Variants in MDN1 observed in about 807,000 individuals in gnomAD.
The protein encoded by MDN1 is midasin AAA ATPase 1, also known as midasin.
MDN1 carries 266 observed loss-of-function variants against 669.2 expected under a neutral mutation model. The observed-to-expected ratio is 0.40, with a 90% CI of 0.36 to 0.44. MDN1 has a LOEUF of 0.44. Ranked by LOEUF, MDN1 falls within the 20% of genes least tolerant of loss-of-function variation. The pLI is 1.00. For synonymous variants in MDN1, 2,385 were observed against 2,457.1 expected, an observed-to-expected ratio of 0.97 and a Z score of 0.87; for missense variants, 5,940 against 6,754.0, an observed-to-expected ratio of 0.88 and a Z score of 4.22.
At chr6:89,678,456 C>T in intron 75 of MDN1, 143 bp downstream of exon 75, 1 of 858,882 alleles carries the variant, frequency 1.2e-6, no homozygotes, top group Non-Finnish European at 1.7e-6. Context: ...GAGTGGAACT[C>T]TTAGACATCT....
At chr6:89,662,005 T>C (rs1809805593) in intron 87 of MDN1, 82 bp downstream of exon 87, 2 of 1,495,290 alleles carry the variant, frequency 1.3e-6, no homozygotes, top group African/African-American at 1.4e-5. Flanking sequence ...GGAAAAAATA[T>C]CTTGAGACAC....
intron 5 of MDN1, among the ~76,000 whole-genome samples, chr6:89,791,106 T>G (rs1184691723): frequency 2.0e-5 from 3 of 151,888 alleles, no homozygotes; most frequent in Admixed American, 2.0e-4. Context: ...TGAGGGATGG[T>G]GGGGGTATTC....
At chr6:89,697,375 AT>A in intron 59 of MDN1, among the ~76,000 whole-genome samples, 1 of 152,326 alleles carries the variant, frequency 6.6e-6, no homozygotes, top group Non-Finnish European at 1.5e-5. Flanking sequence ...GGAGGAAGAA[AT>A]TTTTTAAAAG....
chr6:89,672,195 G>T lies in MDN1; in HGVS notation c.13794+5C>A. On this transcript the variant is annotated splice_donor_5th_base_variant and intron_variant, in intron 82 of 101. Coordinates refer to ENST00000369393, the MANE Select transcript of MDN1 (RefSeq NM_014611.3). ...GGAAGAAGTTTGTAAAGAACAGTTA[G>T]TTACCAGGTGCTTTGCTGCTGTGCC... 1 of 1,572,850 alleles carries T rather than the reference G, an allele frequency of 6.4e-7. No homozygotes were observed. Among genetic ancestry groups the T allele is most frequent in the Non-Finnish European group, 8.6e-7 (1 of 1,166,076 alleles).
chr6:89,761,204 A>C (rs1454199458), intron 17 of MDN1, among the ~76,000 whole-genome samples: 1 of 152,190 alleles, frequency 6.6e-6, no homozygotes, highest in Non-Finnish European at 1.5e-5. Context: ...TTAATTAGAC[A>C]GAAAAAAATA....
chr6:89,664,724 T>C, intron 84 of MDN1, 96 bp from the exon 85 acceptor site: 1 of 948,998 alleles, frequency 1.1e-6, no homozygotes, highest in Non-Finnish European at 1.5e-6. Context: ...TGTAAAAATA[T>C]ATCTGGGAGA....
At chr6:89,781,199 A>C in intron 10 of MDN1, 200 bp downstream of exon 10, 1 of 586,382 alleles carries the variant, frequency 1.7e-6, no homozygotes, top group Non-Finnish European at 3.0e-6. Context: ...AATCTGAAAA[A>C]GGGATCTGAC....
At chr6:89,697,509 C>A (rs1812845783) in intron 59 of MDN1, among the ~76,000 whole-genome samples, 1 of 151,688 alleles carries the variant, frequency 6.6e-6, no homozygotes, top group Non-Finnish European at 1.5e-5. Context: ...ATACTTCCAA[C>A]TCATATTGGG....
In MDN1 at chr6:89,794,581, G is replaced by A. The variant is rs747796527; in HGVS notation, c.550C>T (p.Arg184Cys). 6 of 1,612,756 alleles carry A rather than the reference G, an allele frequency of 3.7e-6. No homozygotes were observed. Among genetic ancestry groups the A allele is most frequent in the East Asian group, 4.5e-5 (2 of 44,884 alleles). ...AAAAGTCTAACAGCTACGCACCAGC[G>A]AACCAAGGTGTCATGGCTTCTGAGG... ...PLLRSHDTLVRWYTANCLALV... is the reference protein window; with the variant it reads ...PLLRSHDTLVCWYTANCLALV... The change falls in exon 3 of 102, where the codon CGC becomes TGC. Residue 184 changes from arginine (R) to cysteine (C), a missense_variant. Arg to Cys is a radical substitution (Grantham distance 180, BLOSUM62 -3). Coordinates refer to ENST00000369393, the MANE Select transcript of MDN1 (RefSeq NM_014611.3).
At chr6:89,674,034 AC>A in intron 79 of MDN1, 69 bp downstream of exon 79, 1 of 1,317,448 alleles carries the variant, frequency 7.6e-7, no homozygotes, top group Non-Finnish European at 9.9e-7. Flanking sequence ...TTCCCTTCCC[AC>A]CCCCAATTTA....
chr6:89,751,428 C>T lies in MDN1; in HGVS notation c.3227+3G>A, dbSNP rs372016658. On this transcript the variant is annotated splice_donor_region_variant and intron_variant, in intron 23 of 101. Coordinates refer to ENST00000369393, the MANE Select transcript of MDN1 (RefSeq NM_014611.3). ...CGGGGCAGCGAGAAAAAAGCCCACA[C>T]ACCCTGCAGAGACAACTCGGACTAT... The T allele has an allele frequency of 3.9e-5, 63 of 1,614,134 alleles. No individual in the cohort carries two copies. The Middle Eastern group carries it at 4.0e-3, about 101-fold the overall frequency.
At position 89,701,896 on chromosome 6, in the gene MDN1, A is replaced by T; in HGVS notation, c.8306+8T>A. 6.2e-7 allele frequency: 1 copy of T among 1,607,206 alleles called. No individual in the cohort carries two copies. The highest frequency in any genetic ancestry group is 8.5e-7 in the Non-Finnish European group (1 of 1,177,720). Reference sequence around the variant, plus strand: ...CATTGACATTATTACTCTAAATATGAATCTTACTTGTCTTCATAATTCATC... The same window carrying T: ...CATTGACATTATTACTCTAAATATGTATCTTACTTGTCTTCATAATTCATC... On this transcript the variant is annotated splice_region_variant and intron_variant, in intron 54 of 101. Transcript: ENST00000369393.
intron 19 of MDN1, among the ~76,000 whole-genome samples, chr6:89,756,611 A>G (rs1174826043): frequency 6.6e-6 from 1 of 152,226 alleles, no homozygotes; most frequent in African/African-American, 2.4e-5. Flanking sequence ...TCTTCTACGT[A>G]TAGTCCTTAC....
chr6:89,705,352 T>G (rs532185859), intron 53 of MDN1, among the ~76,000 whole-genome samples: 21 of 152,324 alleles, frequency 1.4e-4, no homozygotes, highest in Admixed American at 5.9e-4. Context: ...TTTAAGAGTA[T>G]AGAGGCAGAG....
At position 89,658,762 on chromosome 6, in the gene MDN1, T is replaced by C. The variant is rs1319754751; in HGVS notation, c.14869A>G (p.Met4957Val). The C allele has an allele frequency of 2.8e-5, 46 of 1,614,136 alleles. No homozygotes were observed. The highest frequency in any genetic ancestry group is 3.8e-5 in the Non-Finnish European group (45 of 1,180,018). ...TCTTGGTCATCAGCTCCTGTGTCCATTTCCTCTTCCCCTTCTGCCTTGTCA... is the reference window on the plus strand; with the variant it reads ...TCTTGGTCATCAGCTCCTGTGTCCACTTCCTCTTCCCCTTCTGCCTTGTCA... Reference protein sequence around the residue: ...EDDKAEGEEEMDTGADDQDGD... With the variant: ...EDDKAEGEEEVDTGADDQDGD... Residue 4957 changes from methionine to valine, a missense_variant, in exon 89 of 102, where the codon ATG becomes GTG. Coordinates refer to ENST00000369393, the MANE Select transcript of MDN1 (RefSeq NM_014611.3).
Position 89,781,566 on chromosome 6 carries a change from T to C in MDN1, c.1476A>G (p.Leu492=), listed in dbSNP as rs116599708. 913 of 1,608,130 alleles carry C rather than the reference T, an allele frequency of 5.7e-4. 6 individuals carry two copies. The African/African-American group carries it at 0.01, about 18-fold the overall frequency. Residue 492 remains leucine, a synonymous_variant, in exon 10 of 102, where the codon CTA becomes CTG. Transcript: ENST00000369393. ...CAAGCAGGTGATCAACCACTGCCAA[T>C]AGGCTAGGATATCTGCTCTGAAGAA... ...NEVLQSRYPS[L]LAVVDHLLDI...
Position 89,723,600 on chromosome 6 carries a change from G to T in MDN1, c.5690C>A (p.Thr1897Lys). 6.3e-7 allele frequency: 1 copy of T among 1,579,740 alleles called. No individual in the cohort carries two copies. The highest frequency in any genetic ancestry group is 8.6e-7 in the Non-Finnish European group (1 of 1,162,222). Residue 1897 changes from threonine to lysine, a missense_variant, in exon 39 of 102, where the codon ACA (threonine) becomes AAA (lysine). Physicochemically the swap from Thr to Lys is moderately conservative, Grantham distance 78. Coordinates refer to ENST00000369393, the MANE Select transcript of MDN1 (RefSeq NM_014611.3). ...RFTQVFVDPL[T>K]VIDMEFIAST... is the part of the protein sequence containing the mutation. Reference sequence around the variant, plus strand: ...GGCAATGAACTCCATGTCAATTACTGTAAGGGGATCAACGAAGACCTAGAA... The same window carrying T: ...GGCAATGAACTCCATGTCAATTACTTTAAGGGGATCAACGAAGACCTAGAA...
chr6:89,781,718 C>T (rs140572805), intron 9 of MDN1, 126 bp from the exon 10 acceptor site: 223 of 720,832 alleles, frequency 3.1e-4, no homozygotes, highest in Non-Finnish European at 4.1e-4. Flanking sequence ...CACTGGGGGA[C>T]GGTAGCTCAC....
Position 89,677,634 on chromosome 6 carries a change from G to A in MDN1, c.12475C>T (p.Leu4159Phe). ...GCGCTCTGGAGATCTAATGGGTGAA[G>A]ATGAAGCATCTCTTGAGGGTTTTTT... is the stretch of plus-strand genomic sequence containing the variant. ...RSKNPQEMLH[L>F]HPLDLQSALS... The change falls in exon 76 of 102, where the codon CTT becomes TTT. Residue 4159 changes from leucine to phenylalanine, a missense_variant. Leu to Phe is a conservative substitution (Grantham distance 22). Coordinates refer to ENST00000369393, the MANE Select transcript of MDN1 (RefSeq NM_014611.3). 1 of 1,614,184 alleles carries A rather than the reference G, an allele frequency of 6.2e-7. No homozygotes were observed. The highest frequency in any genetic ancestry group is 8.5e-7 in the Non-Finnish European group (1 of 1,180,038).
Sources: gnomAD v4.1 joint callset for allele counts (sites outside exome capture counted in the v4.1 genomes callset) on GRCh38, gnomAD v4.1.1 for gene constraint, MANE v1.5 for transcripts, NCBI Gene and HGNC (gene_info 2026-07-23, HGNC 2026-07-21) for gene names.